SCML4: variants seen among roughly 807,000 people sequenced by gnomAD.
SCML4 encodes sex comb on midleg-like protein 4.
In SCML4, 34 loss-of-function variants were observed where a neutral mutation model predicts 41.1. That is an observed-to-expected ratio of 0.83 (90% CI 0.63 to 1.10). The LOEUF (loss-of-function observed/expected upper bound fraction) is 1.10, where lower values mean the gene tolerates loss of function less well. SCML4 is among the 50% of genes least tolerant of loss of function. The probability of loss-of-function intolerance (pLI) is 0.00; values close to 1 mark genes in which losing one functional copy is unlikely to be tolerated. For synonymous variants in SCML4, 214 were observed against 220.9 expected (o/e 0.97, Z 0.28); for missense variants, 522 against 534.1 (o/e 0.98, Z 0.22).
At chr6:107,707,551 T>C (rs1470283206) in intron 7 of SCML4, among the ~76,000 whole-genome samples, 1 of 152,214 alleles carries the variant, frequency 6.6e-6, no homozygotes, top group East Asian at 1.9e-4. Flanking sequence ...ATGTCGTTGG[T>C]GTGCTGTGAA....
chr6:107,734,562 C>T (rs1776869774), intron 5 of SCML4, among the ~76,000 whole-genome samples: 1 of 152,172 alleles, frequency 6.6e-6, no homozygotes, highest in Admixed American at 6.5e-5. Flanking sequence ...GAAATGCAGG[C>T]TTTTCTCTGG....
intron 1 of SCML4, among the ~76,000 whole-genome samples, chr6:107,804,317 G>T (rs1298078867): frequency 6.6e-6 from 1 of 151,946 alleles, no homozygotes; most frequent in East Asian, 1.9e-4. Flanking sequence ...TACAAAATAA[G>T]CCCTGGCAGG....
the SCML4 span, among the ~76,000 whole-genome samples, chr6:107,843,797 A>T: frequency 6.6e-6 from 1 of 152,158 alleles, no homozygotes; most frequent in Non-Finnish European, 1.5e-5. Context: ...GTAGGCAGGG[A>T]CTTTGCCACA....
intron 6 of SCML4, chr6:107,718,957 C>A (rs1404389720): frequency 1.3e-5 from 2 of 152,166 alleles, no homozygotes; most frequent in Admixed American, 6.5e-5. Flanking sequence ...ACCGTGAGGG[C>A]ACAGACATGA....
At chr6:107,822,553 G>A (rs1785028448) in intron 1 of SCML4, among the ~76,000 whole-genome samples, 1 of 149,746 alleles carries the variant, frequency 6.7e-6, no homozygotes, top group African/African-American at 2.5e-5. Flanking sequence ...TGGGGACACA[G>A]GGAAGAAATG....
intron 5 of SCML4, among the ~76,000 whole-genome samples, chr6:107,738,676 G>A (rs1777309906): frequency 6.6e-6 from 1 of 152,094 alleles, no homozygotes; most frequent in African/African-American, 2.4e-5. Context: ...AGATGTGGAA[G>A]AAGCCCTCCC....
chr6:107,705,147 A>G lies in SCML4; in HGVS notation c.*53T>C, dbSNP rs1773475931. On this transcript the variant is annotated 3_prime_UTR_variant, in exon 8 of 8. Coordinates refer to ENST00000369020, the MANE Select transcript of SCML4 (RefSeq NM_198081.5). ...GTTGGCGGGATATTGGTAAGGCAGA[A>G]GATAATCTTGGGATCTGTTGTTTTG... 2.0e-6 allele frequency: 3 copies of G among 1,496,706 alleles called. No homozygotes were observed. Among genetic ancestry groups the G allele is most frequent in the Non-Finnish European group, 2.7e-6 (3 of 1,097,004 alleles). The allele number at this position is 1,496,706 out of a possible 1,614,324, so 92.7% of individuals were successfully genotyped here.
intron 2 of SCML4, among the ~76,000 whole-genome samples, chr6:107,766,547 G>A (rs1038894498): frequency 6.6e-6 from 1 of 152,170 alleles, no homozygotes; most frequent in Admixed American, 6.5e-5. Flanking sequence ...GGAAAGCTCT[G>A]ACATAAGACC....
chr6:107,771,106 C>T (rs556105567), intron 2 of SCML4, among the ~76,000 whole-genome samples: 1 of 152,138 alleles, frequency 6.6e-6, no homozygotes, highest in Non-Finnish European at 1.5e-5. Flanking sequence ...TTACTAAAAC[C>T]AATGACCCCA....
intron 1 of SCML4, among the ~76,000 whole-genome samples, chr6:107,787,596 T>A (rs1782001735): frequency 6.6e-6 from 1 of 152,236 alleles, no homozygotes; most frequent in Non-Finnish European, 1.5e-5. Flanking sequence ...ATAAAGCAAA[T>A]TCTCTTTTCA....
chr6:107,776,891 T>C (rs1490373945), intron 1 of SCML4, among the ~76,000 whole-genome samples: 1 of 152,238 alleles, frequency 6.6e-6, no homozygotes, highest in Non-Finnish European at 1.5e-5. Context: ...TTTGTATGTA[T>C]ATATGTACAT....
chr6:107,779,475 C>G (rs1443078997), intron 1 of SCML4, among the ~76,000 whole-genome samples: 1 of 152,062 alleles, frequency 6.6e-6, no homozygotes, highest in Non-Finnish European at 1.5e-5. Context: ...AAGGGGTAAG[C>G]CAGCCCAACT....
At position 107,814,204 on chromosome 6, in the gene SCML4, A is replaced by T. The variant is rs145087777; in HGVS notation, c.-60+9922T>A. On this transcript the variant is annotated intron_variant, in intron 1 of 7. Transcript: ENST00000369020. ...ATCTTTATTCCCTTACCTCGTTCTT[A>T]CGTATTGAACAAGGAGAAAGTCCTC... Among the ~76,000 whole-genome samples, 6 of 152,366 alleles carry T rather than the reference A, an allele frequency of 3.9e-5. No individual in the cohort carries two copies. In the East Asian group the frequency reaches 1.2e-3, roughly 29 times the overall value.
intron 6 of SCML4, among the ~76,000 whole-genome samples, chr6:107,714,312 C>T (rs1400387500): frequency 1.3e-5 from 2 of 152,126 alleles, no homozygotes; most frequent in Non-Finnish European, 2.9e-5. Flanking sequence ...AGCACTGTTA[C>T]CTCTGCTGGG....
chr6:107,768,097 CAAAA>C (rs766357180), intron 2 of SCML4, among the ~76,000 whole-genome samples: 2 of 45,658 alleles, frequency 4.4e-5, no homozygotes, highest in African/African-American at 8.7e-5. Flanking sequence ...TTCATCTGTA[CAAAA>C]AAAAAAAAAA....
At chr6:107,779,179 C>CAAAA (rs1256086053) in intron 1 of SCML4, among the ~76,000 whole-genome samples, 2 of 100,364 alleles carry the variant, frequency 2.0e-5, no homozygotes, top group Non-Finnish European at 4.5e-5. Flanking sequence ...GACTCCATCT[C>CAAAA]AAAATAAATA....
chr6:107,746,667 TG>T (rs770125898), intron 4 of SCML4, 21 bp downstream of exon 4: 1 of 1,607,454 alleles, frequency 6.2e-7, no homozygotes, highest in African/African-American at 1.3e-5. Flanking sequence ...GGCCTCCTCA[TG>T]CAACCTGCCC....
intron 2 of SCML4, among the ~76,000 whole-genome samples, chr6:107,759,568 A>G (rs1307039668): frequency 6.6e-6 from 1 of 152,198 alleles, no homozygotes; most frequent in East Asian, 1.9e-4. Context: ...CACAAAATCT[A>G]GGACAATATC....
intron 1 of SCML4, among the ~76,000 whole-genome samples, chr6:107,774,488 A>G (rs543099184): frequency 6.6e-6 from 1 of 152,238 alleles, no homozygotes; most frequent in Non-Finnish European, 1.5e-5. Context: ...GCTACTAAAA[A>G]CATTGAAGAA....
Sources: gnomAD v4.1 joint callset for allele counts (sites outside exome capture counted in the v4.1 genomes callset) on GRCh38, gnomAD v4.1.1 for gene constraint, MANE v1.5 for transcripts, NCBI Gene and HGNC (gene_info 2026-07-23, HGNC 2026-07-21) for gene names.